Variants in ZC3H6 observed in about 807,000 individuals in gnomAD.
ZC3H6 encodes the protein zinc finger CCCH-type containing 6.
A neutral mutation model predicts 107.7 loss-of-function variants in ZC3H6; 40 were observed. That is an observed-to-expected ratio of 0.37 (90% CI 0.29 to 0.48). The LOEUF is 0.48. Ranked by LOEUF, ZC3H6 falls within the 20% of genes least tolerant of loss-of-function variation. ZC3H6 has a pLI of 0.98. For missense variants in ZC3H6, 1,267 were observed against 1,410.4 expected (o/e 0.90, Z 1.63); for synonymous variants, 493 against 487.9 (o/e 1.01, Z -0.14).
intron 8 of ZC3H6, among the ~76,000 whole-genome samples, chr2:112,322,169 G>T (rs1676814278): frequency 7.3e-6 from 1 of 136,146 alleles, no homozygotes; most frequent in Admixed American, 8.1e-5. Context: ...CCTCCCTCTT[G>T]CTTGCTTGCT....
chr2:112,290,610 TGAGAAC>T (rs1676094516), intron 1 of ZC3H6, among the ~76,000 whole-genome samples: 1 of 152,028 alleles, frequency 6.6e-6, no homozygotes, highest in Admixed American at 6.5e-5. Flanking sequence ...GTATCCCCAC[TGAGAAC>T]ATGGTGAATA....
Position 112,325,056 on chromosome 2 carries a change from A to G in ZC3H6, c.1945A>G (p.Arg649Gly), listed in dbSNP as rs1167799024. 6.2e-7 allele frequency: 1 copy of G among 1,613,944 alleles called. No homozygotes were observed. The highest frequency in any genetic ancestry group is 1.3e-5 in the African/African-American group (1 of 75,064). The change falls in exon 11 of 12, where the codon AGG (arginine) becomes GGG (glycine). Residue 649 changes from arginine (R) to glycine (G), a missense_variant. Arg to Gly is a moderately radical substitution (Grantham distance 125). Transcript: ENST00000409871. ...HGSGSDGSST[R>G]TGHGPLPVPG... ...GAGTGGGTCTGATGGCAGCAGCACT[A>G]GGACAGGCCATGGCCCTCTGCCTGT...
intron 1 of ZC3H6, among the ~76,000 whole-genome samples, chr2:112,291,927 A>G (rs1317882481): frequency 1.3e-5 from 2 of 152,134 alleles, no homozygotes; most frequent in African/African-American, 2.4e-5. Context: ...CATGTTGACC[A>G]GGCTGGTCTC....
chr2:112,316,600 GGT>G lies in ZC3H6; in HGVS notation c.864+15_864+16del. The G allele has an allele frequency of 6.8e-7, 1 of 1,467,590 alleles. No homozygotes were observed. Among genetic ancestry groups the G allele is most frequent in the Non-Finnish European group, 9.3e-7 (1 of 1,076,764 alleles). 90.9% of individuals were successfully genotyped at this position (1,467,590 alleles called of 1,614,324 possible). ...AGGTGTATTAAGGTAAATTTATAGA[GGT>G]ATCATAAGTCATTTTAACTTCCAAA... On this transcript the variant is annotated intron_variant, in intron 6 of 11. Coordinates refer to ENST00000409871, the MANE Select transcript of ZC3H6 (RefSeq NM_198581.3).
rs981948721 is a variant in ZC3H6 at position 112,328,416 on chromosome 2, G to T, written c.2087-2589G>T. Among the ~76,000 whole-genome samples, 15 of 152,290 alleles carry T rather than the reference G, an allele frequency of 9.8e-5. 2 individuals are homozygous for T. Among genetic ancestry groups the T allele is most frequent in the Admixed American group, 9.2e-4 (14 of 15,296 alleles). ...TGGAACTGCATTGAATCTGTAGATT[G>T]CTTTGGGTAGTATGGACATTTTAAC... On this transcript the variant is annotated intron_variant, in intron 11 of 11. Transcript: ENST00000409871.
intron 1 of ZC3H6, among the ~76,000 whole-genome samples, chr2:112,298,629 G>A (rs763090800): frequency 2.6e-5 from 4 of 152,194 alleles, no homozygotes; most frequent in African/African-American, 7.2e-5. Context: ...GCTTATTGCC[G>A]AGTTATCGGC....
chr2:112,325,754 A>G (rs572455838), intron 11 of ZC3H6, among the ~76,000 whole-genome samples: 10 of 152,226 alleles, frequency 6.6e-5, no homozygotes, highest in East Asian at 1.9e-4. Flanking sequence ...AAAATGATTC[A>G]GTTATTAGAG....
chr2:112,312,104 TG>T, intron 5 of ZC3H6, 167 bp downstream of exon 5: 3 of 623,724 alleles, frequency 4.8e-6, no homozygotes, highest in Non-Finnish European at 7.3e-6. Context: ...GTTAATTAGT[TG>T]TGAAACTAAT....
intron 1 of ZC3H6, among the ~76,000 whole-genome samples, chr2:112,290,485 G>A (rs1034462348): frequency 6.6e-6 from 1 of 152,238 alleles, no homozygotes; most frequent in African/African-American, 2.4e-5. Flanking sequence ...TCGTATACTT[G>A]TGTGGTTATT....
At chr2:112,283,561 A>G (rs566810136) in intron 1 of ZC3H6, among the ~76,000 whole-genome samples, 2 of 152,386 alleles carry the variant, frequency 1.3e-5, no homozygotes, top group Non-Finnish European at 2.9e-5. Context: ...CATGATACTC[A>G]ATATTTTACA....
chr2:112,292,371 G>A (rs535910409), intron 1 of ZC3H6, among the ~76,000 whole-genome samples: 12 of 152,218 alleles, frequency 7.9e-5, no homozygotes, highest in African/African-American at 1.7e-4. Flanking sequence ...TTTATTTTTC[G>A]TTCCATTGCA....
rs1246814028 is a variant in ZC3H6, at chr2:112,287,891, C to T, written c.32+11865C>T. 1.6e-4 allele frequency among the ~76,000 whole-genome samples: 24 copies of T among 152,334 alleles called. No individual in the cohort carries two copies. In the East Asian group the frequency reaches 2.3e-3, roughly 15 times the overall value. ...TACTGGGATTACAGGCGTGAGCCAC[C>T]GCCCCCGGCCGTTGGAAACATTTTG... On this transcript the variant is annotated intron_variant, in intron 1 of 11. Coordinates refer to ENST00000409871, the MANE Select transcript of ZC3H6 (RefSeq NM_198581.3).
intron 1 of ZC3H6, among the ~76,000 whole-genome samples, chr2:112,295,213 C>A (rs554692520): frequency 3.3e-5 from 5 of 152,204 alleles, no homozygotes; most frequent in Admixed American, 3.3e-4. Flanking sequence ...GGTACAAGAA[C>A]ATGAATATGC....
At chr2:112,277,094 A>G (rs1686440882) in intron 1 of ZC3H6, among the ~76,000 whole-genome samples, 1 of 152,226 alleles carries the variant, frequency 6.6e-6, no homozygotes, top group Non-Finnish European at 1.5e-5. Flanking sequence ...CACTGCTGAA[A>G]TTTGAAATAT....
At chr2:112,325,937 G>A (rs1465963646) in intron 11 of ZC3H6, among the ~76,000 whole-genome samples, 1 of 152,036 alleles carries the variant, frequency 6.6e-6, no homozygotes, top group Non-Finnish European at 1.5e-5. Flanking sequence ...ATCCAGTTCT[G>A]TTTATGAATT....
At chr2:112,282,604 C>G (rs1306369051) in intron 1 of ZC3H6, among the ~76,000 whole-genome samples, 2 of 152,170 alleles carry the variant, frequency 1.3e-5, no homozygotes, top group Non-Finnish European at 2.9e-5. Context: ...TCAAAGTAAC[C>G]TGACTCCAGA....
Position 112,299,905 on chromosome 2 carries a change from A to C in ZC3H6, c.89A>C (p.Gln30Pro). ...GACGATGCAGGATTTGAAGAAATAC[A>C]AGAAAAAGAAGCAAAAGAGAATGAA... is the stretch of plus-strand genomic sequence containing the variant. ...EIDDAGFEEI[Q>P]EKEAKENEKQ... Residue 30 changes from glutamine to proline, a missense_variant, in exon 2 of 12, where the codon CAA becomes CCA. Around this residue, in one of 3 missense-constraint regions of ZC3H6, gnomAD observed 337 missense variants for 361.2 expected, o/e 0.93. Transcript: ENST00000409871. 6.6e-7 allele frequency: 1 copy of C among 1,506,026 alleles called. No individual in the cohort carries two copies. Among genetic ancestry groups the C allele is most frequent in the Non-Finnish European group, 8.9e-7 (1 of 1,128,414 alleles). The allele number at this position is 1,506,026 out of a possible 1,614,324, so 93.3% of individuals were successfully genotyped here. A position where few individuals can be genotyped will look rare whatever the true frequency, so the allele number is the denominator to read the frequency against.
intron 11 of ZC3H6, among the ~76,000 whole-genome samples, chr2:112,325,882 T>C (rs865779464): frequency 5.3e-5 from 8 of 152,066 alleles, no homozygotes; most frequent in African/African-American, 1.7e-4. Flanking sequence ...CTGGTAAGTA[T>C]ACAACAGTTA....
chr2:112,331,150 A>C lies in ZC3H6; in HGVS notation c.2232A>C (p.Arg744Ser). 6 of 1,613,746 alleles carry C rather than the reference A, an allele frequency of 3.7e-6. No individual in the cohort carries two copies. Among genetic ancestry groups the C allele is most frequent in the Non-Finnish European group, 4.2e-6 (5 of 1,179,798 alleles). Residue 744 changes from arginine to serine, a missense_variant, in exon 12 of 12, where the codon AGA becomes AGC. Transcript: ENST00000409871. Reference sequence around the variant, plus strand: ...AACTCAGCACTCCTACTGATCCAAGACTTGCTAAAGAGAAAAGTAAAGGAA... The same window carrying C: ...AACTCAGCACTCCTACTGATCCAAGCCTTGCTAAAGAGAAAAGTAAAGGAA... ...STELSTPTDP[R>S]LAKEKSKGNQ...
Sources: allele counts gnomAD v4.1 joint callset (sites outside exome capture counted in the v4.1 genomes callset), GRCh38; gene constraint gnomAD v4.1.1; regional missense constraint gnomAD v4.1.1; transcripts MANE v1.5; gene names NCBI Gene and HGNC (gene_info 2026-07-23, HGNC 2026-07-21).